Variants in SIRPG observed in about 807,000 individuals in gnomAD.
SIRPG encodes signal regulatory protein gamma, also known as signal-regulatory protein gamma.
A neutral mutation model predicts 35.7 loss-of-function variants in SIRPG; 38 were observed. The ratio of observed to expected loss-of-function variants is 1.06; its 90% CI spans 0.82 to 1.40. The LOEUF is 1.40. Ranked by LOEUF, SIRPG falls within the 40% of genes most tolerant of loss-of-function variation. SIRPG has a pLI of 0.00. For synonymous variants in SIRPG, 215 were observed against 190.4 expected (o/e 1.13, Z -1.06); for missense variants, 519 against 483.0 (o/e 1.07, Z -0.70).
At chr20:1,660,340 A>G (rs1235418075), upstream of SIRPG, among the ~76,000 whole-genome samples, 3 of 152,196 alleles carry the variant, frequency 2.0e-5, no homozygotes, top group Admixed American at 1.3e-4. Flanking sequence ...ACAGAGACAC[A>G]CCCAAACAAA....
the SIRPG span, among the ~76,000 whole-genome samples, chr20:1,671,845 C>T: frequency 0.033 from 5,081 of 152,290 alleles, 126 homozygotes; most frequent in Middle Eastern, 0.058. Context: ...GGTTTAAGAA[C>T]GCCTTTAAGT....
chr20:1,642,976 G>A (rs1223409768), intron 2 of SIRPG, among the ~76,000 whole-genome samples: 1 of 152,100 alleles, frequency 6.6e-6, no homozygotes, highest in Non-Finnish European at 1.5e-5. Flanking sequence ...AGGTGACCTT[G>A]CCTTTCTCTT....
chr20:1,634,997 C>G (rs1397029963), intron 4 of SIRPG, among the ~76,000 whole-genome samples: 1 of 151,378 alleles, frequency 6.6e-6, no homozygotes, highest in Non-Finnish European at 1.5e-5. Flanking sequence ...GAGCAGAGAT[C>G]GCGCCACTGC....
At chr20:1,681,210 A>G in the SIRPG span, among the ~76,000 whole-genome samples, 11 of 152,194 alleles carry the variant, frequency 7.2e-5, no homozygotes, top group Non-Finnish European at 1.3e-4. Context: ...AAAACTACAC[A>G]TCCTCTTCCT....
intron 2 of SIRPG, among the ~76,000 whole-genome samples, chr20:1,644,277 A>C (rs775710928): frequency 3.9e-5 from 6 of 151,918 alleles, no homozygotes; most frequent in Non-Finnish European, 8.8e-5. Context: ...GAGTTGTTGG[A>C]GTTCCTGGAG....
intron 2 of SIRPG, among the ~76,000 whole-genome samples, chr20:1,644,271 T>C (rs1568731629): frequency 6.6e-6 from 1 of 151,734 alleles, no homozygotes; most frequent in Non-Finnish European, 1.5e-5. Context: ...AGGCTGGAGT[T>C]GTTGGAGTTC....
intron 1 of SIRPG, 35 bp downstream of exon 1, chr20:1,657,607 A>C: frequency 6.2e-7 from 1 of 1,605,700 alleles, no homozygotes; most frequent in Non-Finnish European, 8.5e-7. Context: ...TCCAGGAAGC[A>C]GGGAGAAAGG....
chr20:1,643,190 T>C (rs915534035), intron 2 of SIRPG, among the ~76,000 whole-genome samples: 8 of 152,244 alleles, frequency 5.3e-5, no homozygotes, highest in African/African-American at 1.9e-4. Flanking sequence ...ATCCTCCCCA[T>C]CTCTTTCAGG....
chr20:1,651,807 T>A (rs964759542), intron 1 of SIRPG, among the ~76,000 whole-genome samples: 3 of 152,142 alleles, frequency 2.0e-5, no homozygotes, highest in Admixed American at 1.3e-4. Context: ...AGACTCTCTA[T>A]CCTAAAATGT....
intron 2 of SIRPG, among the ~76,000 whole-genome samples, chr20:1,640,024 C>A (rs6105456): frequency 0.24 from 37,042 of 151,970 alleles, 5,265 homozygotes; most frequent in East Asian, 0.62. Context: ...GTTACTGTAG[C>A]CTTGTAATAT....
At chr20:1,658,976 T>C (rs1407414963), upstream of SIRPG, among the ~76,000 whole-genome samples, 1 of 152,204 alleles carries the variant, frequency 6.6e-6, no homozygotes, top group Non-Finnish European at 1.5e-5. Context: ...AGCTGTGTGA[T>C]TTTCAAAAAG....
the SIRPG span, among the ~76,000 whole-genome samples, chr20:1,664,816 T>A: frequency 6.6e-6 from 1 of 152,196 alleles, no homozygotes; most frequent in Non-Finnish European, 1.5e-5. Context: ...GCCCTCCTCC[T>A]GAGTCCTGGC....
intron 2 of SIRPG, among the ~76,000 whole-genome samples, chr20:1,639,738 G>A (rs2091836574): frequency 5.3e-5 from 8 of 152,204 alleles, no homozygotes; most frequent in Admixed American, 5.2e-4. Flanking sequence ...TTCTTCTAGG[G>A]TTTTTATGGT....
At chr20:1,651,565 C>T (rs1387939158) in intron 1 of SIRPG, among the ~76,000 whole-genome samples, 1 of 152,096 alleles carries the variant, frequency 6.6e-6, no homozygotes, top group African/African-American at 2.4e-5. Context: ...TAGAGTGATC[C>T]TTTAAGACAC....
At chr20:1,647,798 A>C (rs1229730364) in intron 2 of SIRPG, 1 of 152,214 alleles carries the variant, frequency 6.6e-6, no homozygotes, top group East Asian at 1.9e-4. Flanking sequence ...TCCAATCACC[A>C]ATGGGCTTTA....
chr20:1,648,681 G>T (rs181276849), intron 2 of SIRPG, among the ~76,000 whole-genome samples: 59 of 152,192 alleles, frequency 3.9e-4, no homozygotes, highest in Non-Finnish European at 7.6e-4. Context: ...AATATACTTG[G>T]CCAGCCTGAG....
Position 1,636,287 on chromosome 20 carries a change from G to T in SIRPG, c.649C>A (p.Pro217Thr), listed in dbSNP as rs1219947167. 2 of 1,614,198 alleles carry T rather than the reference G, an allele frequency of 1.2e-6. No individual in the cohort carries two copies. Among genetic ancestry groups the T allele is most frequent in the East Asian group, 2.2e-5 (1 of 44,886 alleles). Residue 217 changes from proline to threonine, a missense_variant, in exon 3 of 6, where the codon CCC (proline) becomes ACC (threonine). By Grantham distance (38) the Pro-to-Thr change is conservative. Transcript: ENST00000303415. ...ATGACCTGAGAGCGAACGTCCCAGG[G>T]GTCCAGTACCACCCTGGCTGTGCTG... ...IRSTARVVLD[P>T]WDVRSQVICE... is the part of the protein sequence containing the mutation.
At chr20:1,685,957 T>C in the SIRPG span, among the ~76,000 whole-genome samples, 2 of 152,094 alleles carry the variant, frequency 1.3e-5, no homozygotes, top group Non-Finnish European at 2.9e-5. Context: ...GGCTCCAGCC[T>C]CAAGGCTCCT....
At chr20:1,668,266 TTTTC>T in the SIRPG span, among the ~76,000 whole-genome samples, 1 of 146,556 alleles carries the variant, frequency 6.8e-6, no homozygotes, top group Non-Finnish European at 1.5e-5. Flanking sequence ...TTTCTTTTTC[TTTTC>T]TTTCTTTCTT....
Sources: gnomAD v4.1 joint callset for allele counts (sites outside exome capture counted in the v4.1 genomes callset) on GRCh38, gnomAD v4.1.1 for gene constraint, MANE v1.5 for transcripts, NCBI Gene and HGNC (gene_info 2026-07-23, HGNC 2026-07-21) for gene names.